Variants in DOK6 observed in about 807,000 individuals in gnomAD.
DOK6 encodes docking protein 6, also known as downstream of tyrosine kinase 6.
In DOK6, 22 loss-of-function variants were observed where a neutral mutation model predicts 44.0. The ratio of observed to expected loss-of-function variants is 0.50; its 90% confidence interval spans 0.36 to 0.71. The LOEUF (loss-of-function observed/expected upper bound fraction) is 0.71. Ranked by LOEUF, DOK6 falls within the 30% of genes least tolerant of loss-of-function variation. The pLI is 0.00. For synonymous variants in DOK6, 166 were observed against 145.5 expected, an observed-to-expected ratio of 1.14 and a Z score of -1.01; for missense variants, 340 against 416.4, an observed-to-expected ratio of 0.82 and a Z score of 1.60.
chr18:69,517,808 A>G (rs1981573864), intron 1 of DOK6, among the ~76,000 whole-genome samples: 1 of 151,694 alleles, frequency 6.6e-6, no homozygotes, highest in South Asian at 2.1e-4. Context: ...ATGTGCGGAT[A>G]TCAGTCATGG....
intron 1 of DOK6, among the ~76,000 whole-genome samples, chr18:69,486,986 T>G (rs1440983900): frequency 6.6e-6 from 1 of 152,164 alleles, no homozygotes; most frequent in Non-Finnish European, 1.5e-5. Flanking sequence ...TGTATGTTAA[T>G]GATGATCTAC....
chr18:69,628,529 A>T (rs746045252), intron 3 of DOK6, among the ~76,000 whole-genome samples: 15 of 151,974 alleles, frequency 9.9e-5, no homozygotes, highest in Non-Finnish European at 1.8e-4. Flanking sequence ...TGTTAGAATA[A>T]ACAGAGTAGG....
At chr18:69,773,536 C>T (rs1979950752) in intron 7 of DOK6, among the ~76,000 whole-genome samples, 1 of 151,948 alleles carries the variant, frequency 6.6e-6, no homozygotes, top group African/African-American at 2.4e-5. Flanking sequence ...CCATATGCTA[C>T]ATCATGGATG....
chr18:69,439,919 TTGCTTTTGGGCTATCTC>T (rs1979090215), intron 1 of DOK6, among the ~76,000 whole-genome samples: 1 of 152,210 alleles, frequency 6.6e-6, no homozygotes, highest in South Asian at 2.1e-4. Flanking sequence ...ACAAGAGCTC[TTGCTTTTGGGCTATCTC>T]TGCTTTCAGC....
At chr18:69,485,881 ATGTGTGTG>A (rs3044887) in intron 1 of DOK6, among the ~76,000 whole-genome samples, 3 of 147,222 alleles carry the variant, frequency 2.0e-5, no homozygotes, top group South Asian at 2.2e-4. Flanking sequence ...ATACGTATAT[ATGTGTGTG>A]TGTGTGTGTG....
chr18:69,787,933 A>G (rs1265591726), intron 7 of DOK6, among the ~76,000 whole-genome samples: 1 of 152,230 alleles, frequency 6.6e-6, no homozygotes, highest in Non-Finnish European at 1.5e-5. Flanking sequence ...AGCCTCGGCA[A>G]TTAGCTTACT....
intron 1 of DOK6, among the ~76,000 whole-genome samples, chr18:69,486,187 T>C (rs534134416): frequency 4.9e-4 from 75 of 152,118 alleles, no homozygotes; most frequent in African/African-American, 1.8e-3. Context: ...AGTATAGACA[T>C]TTCTTGTTCC....
At chr18:69,810,660 G>T (rs115881150) in intron 7 of DOK6, among the ~76,000 whole-genome samples, 2 of 151,724 alleles carry the variant, frequency 1.3e-5, no homozygotes, top group East Asian at 1.9e-4. Context: ...ATGGGCAAAG[G>T]TCCTGAATAG....
At chr18:69,497,620 T>G (rs960663803) in intron 1 of DOK6, among the ~76,000 whole-genome samples, 2 of 152,218 alleles carry the variant, frequency 1.3e-5, no homozygotes, top group African/African-American at 4.8e-5. Flanking sequence ...CTTATTCCCC[T>G]GCATGGGCCT....
intron 3 of DOK6, among the ~76,000 whole-genome samples, chr18:69,614,522 T>C (rs532664383): frequency 6.8e-6 from 1 of 147,390 alleles, no homozygotes; most frequent in South Asian, 2.2e-4. Flanking sequence ...TCACTTCACG[T>C]AATTATCACT....
At chr18:69,717,945 TA>T (rs2144720998) in intron 5 of DOK6, among the ~76,000 whole-genome samples, 1 of 152,328 alleles carries the variant, frequency 6.6e-6, no homozygotes, top group African/African-American at 2.4e-5. Context: ...AGAATCGGAA[TA>T]TAGAAAATAA....
At chr18:69,606,405 A>C (rs1983997785) in intron 3 of DOK6, among the ~76,000 whole-genome samples, 1 of 152,144 alleles carries the variant, frequency 6.6e-6, no homozygotes, top group South Asian at 2.1e-4. Context: ...ACAAACTTCA[A>C]CAGAATAATG....
Position 69,713,764 on chromosome 18 carries a change from AC to A in DOK6, c.599+15173del, listed in dbSNP as rs541329637. On this transcript the variant is annotated intron_variant, in intron 5 of 7. Transcript: ENST00000382713. ...TGCTGGATTTCTAGAACTATATCAT[AC>A]CTTTTTTACACCTCCTCCTTTTCAA... 6.8e-4 allele frequency among the ~76,000 whole-genome samples: 103 copies of A among 152,264 alleles called. 1 individual carries two copies. Among genetic ancestry groups the A allele is most frequent in the African/African-American group, 2.3e-3 (97 of 41,548 alleles).
chr18:69,506,779 A>G (rs1599163845), intron 1 of DOK6, among the ~76,000 whole-genome samples: 1 of 152,116 alleles, frequency 6.6e-6, no homozygotes, highest in East Asian at 1.9e-4. Context: ...GCCGGGTTGT[A>G]TGGTGTGTGT....
intron 1 of DOK6, among the ~76,000 whole-genome samples, chr18:69,416,364 T>C (rs772932834): frequency 2.0e-4 from 31 of 152,156 alleles, no homozygotes; most frequent in Admixed American, 4.6e-4. Context: ...ATTTGTGTTT[T>C]TGCATACAAT....
intron 2 of DOK6, among the ~76,000 whole-genome samples, chr18:69,595,220 CT>C (rs989717127): frequency 6.6e-6 from 1 of 152,060 alleles, no homozygotes; most frequent in African/African-American, 2.4e-5. Flanking sequence ...TTACCAATGT[CT>C]TTTTTTACAG....
chr18:69,633,430 A>T (rs1984733284), intron 3 of DOK6, among the ~76,000 whole-genome samples: 1 of 152,192 alleles, frequency 6.6e-6, no homozygotes, highest in African/African-American at 2.4e-5. Context: ...CTGAAAATGT[A>T]GCTGGTTTTA....
intron 3 of DOK6, among the ~76,000 whole-genome samples, chr18:69,601,648 G>A (rs754541191): frequency 7.2e-5 from 11 of 152,102 alleles, no homozygotes; most frequent in South Asian, 2.1e-4. Flanking sequence ...TCCCTGGTGC[G>A]TTGGCTTAAC....
chr18:69,749,460 T>A (rs1297068459), intron 6 of DOK6, among the ~76,000 whole-genome samples: 23 of 152,066 alleles, frequency 1.5e-4, no homozygotes, highest in Non-Finnish European at 3.4e-4. Flanking sequence ...AATCTCTTGA[T>A]GATGAAAAAA....
Sources: allele counts gnomAD v4.1 joint callset (sites outside exome capture counted in the v4.1 genomes callset), GRCh38; gene constraint gnomAD v4.1.1; transcripts MANE v1.5; gene names NCBI Gene and HGNC (gene_info 2026-07-23, HGNC 2026-07-21).